Variants in RSU1 observed in about 807,000 individuals in gnomAD.
RSU1 encodes Ras suppressor protein 1.
In RSU1, 26 loss-of-function variants were observed where a neutral mutation model predicts 31.1. That is an observed-to-expected ratio of 0.84 (90% CI 0.61 to 1.16). RSU1 has a LOEUF of 1.16. RSU1 is among the 50% of genes most tolerant of loss of function. The pLI is 0.00. For synonymous variants in RSU1, 164 were observed against 136.3 expected, an observed-to-expected ratio of 1.20 and a Z score of -1.41; for missense variants, 320 against 339.1, an observed-to-expected ratio of 0.94 and a Z score of 0.44.
At chr10:16,661,383 G>A (rs1332322921) in intron 8 of RSU1, among the ~76,000 whole-genome samples, 2 of 149,876 alleles carry the variant, frequency 1.3e-5, no homozygotes, top group African/African-American at 4.9e-5. Flanking sequence ...CTTAGGACAC[G>A]ATTTTGTTAA....
intron 4 of RSU1, among the ~76,000 whole-genome samples, chr10:16,762,215 A>C (rs1213082770): frequency 6.6e-6 from 1 of 152,156 alleles, no homozygotes; most frequent in Non-Finnish European, 1.5e-5. Context: ...TAAATAAGAC[A>C]ATTATGATGA....
intron 2 of RSU1, among the ~76,000 whole-genome samples, chr10:16,802,316 A>G (rs1838174123): frequency 1.3e-5 from 2 of 152,142 alleles, no homozygotes; most frequent in South Asian, 2.1e-4. Flanking sequence ...CAAAAATGTT[A>G]TAACTTAGAT....
At chr10:16,680,668 G>A (rs957923551) in intron 8 of RSU1, among the ~76,000 whole-genome samples, 17 of 152,084 alleles carry the variant, frequency 1.1e-4, no homozygotes, top group African/African-American at 2.2e-4. Context: ...GATCTTGTGT[G>A]AACTCAGAGC....
At chr10:16,690,819 G>GA (rs1835534273) in intron 8 of RSU1, among the ~76,000 whole-genome samples, 1 of 152,144 alleles carries the variant, frequency 6.6e-6, no homozygotes, top group African/African-American at 2.4e-5. Context: ...TAACTGGTTA[G>GA]AAAAAAGCGG....
At chr10:16,662,989 A>C (rs909114798) in intron 8 of RSU1, among the ~76,000 whole-genome samples, 8 of 145,988 alleles carry the variant, frequency 5.5e-5, no homozygotes, top group Non-Finnish European at 1.0e-4. Context: ...AAAAAAAAAA[A>C]CCCTCTAAGT....
chr10:16,768,999 C>G, intron 3 of RSU1, among the ~76,000 whole-genome samples: 1 of 152,316 alleles, frequency 6.6e-6, no homozygotes, highest in East Asian at 1.9e-4. Flanking sequence ...ATCGGTAATA[C>G]CTGCAACAGG....
chr10:16,651,968 T>A (rs1834691385), intron 8 of RSU1, among the ~76,000 whole-genome samples: 1 of 152,236 alleles, frequency 6.6e-6, no homozygotes, highest in Admixed American at 6.5e-5. Flanking sequence ...TTCCTAAATA[T>A]CTCAAAATTG....
chr10:16,779,482 A>G (rs1482289989), intron 3 of RSU1, among the ~76,000 whole-genome samples: 2 of 152,226 alleles, frequency 1.3e-5, no homozygotes, highest in Non-Finnish European at 2.9e-5. Context: ...TGGAGTCAAC[A>G]GTGTCCCCAA....
chr10:16,629,087 T>C (rs1294568995), intron 8 of RSU1, among the ~76,000 whole-genome samples: 1 of 152,150 alleles, frequency 6.6e-6, no homozygotes, highest in Admixed American at 6.5e-5. Context: ...CCTGTGTCTA[T>C]CAGCTTGGAG....
At chr10:16,702,056 G>C (rs1361281431) in intron 7 of RSU1, among the ~76,000 whole-genome samples, 1 of 152,190 alleles carries the variant, frequency 6.6e-6, no homozygotes, top group African/African-American at 2.4e-5. Context: ...GGTAATGTTA[G>C]GACATAATGG....
chr10:16,643,022 G>T (rs533016157), intron 8 of RSU1, among the ~76,000 whole-genome samples: 1 of 152,156 alleles, frequency 6.6e-6, no homozygotes, highest in Non-Finnish European at 1.5e-5. Context: ...TTACTTAGGA[G>T]ACAAAAAAAA....
rs571648535 is a variant in RSU1 at position 16,592,337 on chromosome 10, C to A, written c.*1057G>T. On this transcript the variant is annotated 3_prime_UTR_variant, in exon 9 of 9. Transcript: ENST00000345264. ...ACAGCCCTTTCAGTGAGCACAAAAC[C>A]TCAGCTTGCATTTATTTTGATTTTC... The A allele has an allele frequency of 6.6e-6, 1 of 152,142 alleles. No individual in the cohort carries two copies. The highest frequency in any genetic ancestry group is 1.5e-5 in the Non-Finnish European group (1 of 68,036). 9.4% of individuals were successfully genotyped at this position (152,142 alleles called of 1,614,324 possible).
intron 7 of RSU1, among the ~76,000 whole-genome samples, chr10:16,751,612 G>A (rs74125864): frequency 0.02 from 3,102 of 152,224 alleles, 105 homozygotes; most frequent in African/African-American, 0.071. Flanking sequence ...TACTGTACCC[G>A]AGGGAACAAA....
intron 8 of RSU1, among the ~76,000 whole-genome samples, chr10:16,610,548 C>G (rs149165085): frequency 6.6e-6 from 1 of 152,178 alleles, no homozygotes; most frequent in Admixed American, 6.5e-5. Context: ...TGCGAGAGAT[C>G]TAGGTTGCAC....
At chr10:16,680,054 G>T (rs1407400870) in intron 8 of RSU1, among the ~76,000 whole-genome samples, 2 of 151,688 alleles carry the variant, frequency 1.3e-5, no homozygotes, top group Non-Finnish European at 2.9e-5. Context: ...GCTAATTTTT[G>T]TATTTTCAGT....
At chr10:16,653,341 T>C (rs2131517086) in intron 8 of RSU1, among the ~76,000 whole-genome samples, 1 of 152,318 alleles carries the variant, frequency 6.6e-6, no homozygotes, top group African/African-American at 2.4e-5. Context: ...AGGATACAAA[T>C]AGATCTCTAA....
chr10:16,597,329 A>G (rs1224696680), intron 8 of RSU1, among the ~76,000 whole-genome samples: 1 of 152,162 alleles, frequency 6.6e-6, no homozygotes, highest in East Asian at 1.9e-4. Context: ...CCACTGTTTC[A>G]GTCTCTGCCT....
chr10:16,670,625 G>C (rs1454227680), intron 8 of RSU1, among the ~76,000 whole-genome samples: 1 of 152,118 alleles, frequency 6.6e-6, no homozygotes. Context: ...TTCTCAATTA[G>C]ATATCTCTCC....
chr10:16,672,816 T>C (rs1332536330), intron 8 of RSU1, among the ~76,000 whole-genome samples: 2 of 152,222 alleles, frequency 1.3e-5, no homozygotes, highest in Non-Finnish European at 2.9e-5. Context: ...TTAAGTTGAT[T>C]GTTTTACAGA....
Sources: gnomAD v4.1 joint callset for allele counts (sites outside exome capture counted in the v4.1 genomes callset) on GRCh38, gnomAD v4.1.1 for gene constraint, MANE v1.5 for transcripts, NCBI Gene and HGNC (gene_info 2026-07-23, HGNC 2026-07-21) for gene names.